Variants in FBXL7 observed in about 807,000 individuals in gnomAD.
FBXL7 encodes the protein F-box and leucine rich repeat protein 7.
A neutral mutation model predicts 38.3 loss-of-function variants in FBXL7; 12 were observed. The observed-to-expected ratio is 0.31, with a 90% CI of 0.20 to 0.51. The LOEUF (loss-of-function observed/expected upper bound fraction) is 0.51. Among genes scored for constraint, FBXL7 ranks in the 20% least tolerant of loss-of-function variants. The pLI, the probability that FBXL7 is intolerant of heterozygous loss-of-function variation, is 0.98. For missense variants in FBXL7, 567 were observed against 676.4 expected (o/e 0.84, Z 1.79); for synonymous variants, 297 against 300.9 (o/e 0.99, Z 0.13).
Position 15,692,061 on chromosome 5 carries a change from T to A in FBXL7, c.127+75989T>A, listed in dbSNP as rs967106569. On this transcript the variant is annotated intron_variant, in intron 2 of 3. Coordinates refer to ENST00000504595, the MANE Select transcript of FBXL7 (RefSeq NM_012304.5). ...ATGGCAGAGACTCTGCAGGCCATGATGGGGTGAGAGCCAGGGCCAGAGAAT... is the reference window on the plus strand; with the variant it reads ...ATGGCAGAGACTCTGCAGGCCATGAAGGGGTGAGAGCCAGGGCCAGAGAAT... 1.1e-4 allele frequency among the ~76,000 whole-genome samples: 17 copies of A among 152,212 alleles called. No homozygotes were observed. In the East Asian group the frequency reaches 3.1e-3, roughly 28 times the overall value.
At chr5:15,816,089 TAGAA>T in intron 2 of FBXL7, among the ~76,000 whole-genome samples, 1 of 152,234 alleles carries the variant, frequency 6.6e-6, no homozygotes, top group Non-Finnish European at 1.5e-5. Context: ...TCATCACTGT[TAGAA>T]AGTACTCCGA....
At chr5:15,886,231 A>ATGTG (rs1740672567) in intron 2 of FBXL7, among the ~76,000 whole-genome samples, 3 of 150,948 alleles carry the variant, frequency 2.0e-5, no homozygotes, top group Non-Finnish European at 4.4e-5. Context: ...GTGTGTGTGC[A>ATGTG]TGCAAATGTA....
intron 2 of FBXL7, among the ~76,000 whole-genome samples, chr5:15,798,984 C>T (rs1737488213): frequency 6.6e-6 from 1 of 152,254 alleles, no homozygotes; most frequent in African/African-American, 2.4e-5. Context: ...GACACAGCCC[C>T]CTTTGCAGGA....
intron 1 of FBXL7, among the ~76,000 whole-genome samples, chr5:15,550,483 C>A (rs546656258): frequency 6.6e-6 from 1 of 152,254 alleles, no homozygotes; most frequent in African/African-American, 2.4e-5. Flanking sequence ...GCTATTGAGG[C>A]ACCCAAAACT....
intron 2 of FBXL7, among the ~76,000 whole-genome samples, chr5:15,773,895 A>G (rs1417855768): frequency 6.6e-6 from 1 of 152,160 alleles, no homozygotes; most frequent in Non-Finnish European, 1.5e-5. Context: ...AGAAGAAAGG[A>G]AAGATCTGGA....
chr5:15,819,687 C>T (rs561019099), intron 2 of FBXL7, among the ~76,000 whole-genome samples: 6 of 152,212 alleles, frequency 3.9e-5, no homozygotes, highest in South Asian at 4.2e-4. Flanking sequence ...GCATGGAGTG[C>T]GTTTGATATC....
At chr5:15,591,223 A>G (rs1383139197) in intron 1 of FBXL7, among the ~76,000 whole-genome samples, 1 of 151,994 alleles carries the variant, frequency 6.6e-6, no homozygotes, top group Non-Finnish European at 1.5e-5. Flanking sequence ...AGGTCAGGAG[A>G]TGGAGACCAT....
intron 2 of FBXL7, among the ~76,000 whole-genome samples, chr5:15,653,482 T>C (rs1338761594): frequency 6.6e-6 from 1 of 152,210 alleles, no homozygotes; most frequent in African/African-American, 2.4e-5. Flanking sequence ...GTCAAAGAAC[T>C]TGTCTGTGGG....
intron 2 of FBXL7, among the ~76,000 whole-genome samples, chr5:15,726,218 A>T (rs1744347870): frequency 6.6e-6 from 1 of 152,152 alleles, no homozygotes. Context: ...ATATCTTTTC[A>T]TAGCTTTCTC....
chr5:15,749,590 G>A (rs1279434851), intron 2 of FBXL7, among the ~76,000 whole-genome samples: 1 of 152,100 alleles, frequency 6.6e-6, no homozygotes, highest in African/African-American at 2.4e-5. Flanking sequence ...TTGCGCCACT[G>A]CACTCCAGCC....
chr5:15,904,428 G>A (rs1741306651), intron 2 of FBXL7, among the ~76,000 whole-genome samples: 1 of 152,150 alleles, frequency 6.6e-6, no homozygotes, highest in Admixed American at 6.5e-5. Context: ...TGTGGCAAAA[G>A]CAGAGATTCC....
Position 15,665,968 on chromosome 5 carries a change from A to G in FBXL7, c.127+49896A>G, listed in dbSNP as rs774875543. Reference sequence around the variant, plus strand: ...AAAGTGAACTATAGAATCAGGATCTATATCTATACAAAGAGAATAATATAA... The same window carrying G: ...AAAGTGAACTATAGAATCAGGATCTGTATCTATACAAAGAGAATAATATAA... On this transcript the variant is annotated intron_variant, in intron 2 of 3. Transcript: ENST00000504595. 5.3e-5 allele frequency among the ~76,000 whole-genome samples: 8 copies of G among 152,280 alleles called. No individual in the cohort carries two copies. The South Asian group carries it at 6.2e-4, about 12-fold the overall frequency.
intron 2 of FBXL7, among the ~76,000 whole-genome samples, chr5:15,917,698 A>AAGGAAGGAAGG (rs1254318383): frequency 1.7e-4 from 19 of 112,856 alleles, no homozygotes; most frequent in Middle Eastern, 5.4e-3. Flanking sequence ...AGGAAGGAAG[A>AAGGAAGGAAGG]AAGAAAGGAA....
chr5:15,816,523 A>C (rs1738018990), intron 2 of FBXL7, among the ~76,000 whole-genome samples: 1 of 152,162 alleles, frequency 6.6e-6, no homozygotes, highest in Non-Finnish European at 1.5e-5. Context: ...GTTAAAAACT[A>C]CATATTGGGT....
intron 2 of FBXL7, among the ~76,000 whole-genome samples, chr5:15,872,986 C>T (rs952418024): frequency 6.6e-6 from 1 of 152,208 alleles, no homozygotes; most frequent in Non-Finnish European, 1.5e-5. Context: ...ACATTCTTCT[C>T]AGCACCACAT....
At chr5:15,935,750 A>G (rs1481567755) in intron 3 of FBXL7, among the ~76,000 whole-genome samples, 4 of 152,198 alleles carry the variant, frequency 2.6e-5, no homozygotes, top group Non-Finnish European at 4.4e-5. Flanking sequence ...TTGCTAGACT[A>G]ATATATTCAC....
At chr5:15,612,551 ATAATCT>A (rs1455941437) in intron 1 of FBXL7, among the ~76,000 whole-genome samples, 1 of 152,090 alleles carries the variant, frequency 6.6e-6, no homozygotes, top group Non-Finnish European at 1.5e-5. Context: ...CATTTTCATG[ATAATCT>A]TAAAAATAAT....
intron 2 of FBXL7, among the ~76,000 whole-genome samples, chr5:15,625,067 G>T (rs1740768583): frequency 6.6e-6 from 1 of 151,966 alleles, no homozygotes; most frequent in African/African-American, 2.4e-5. Context: ...TCGGTGACCA[G>T]AATTATAAGC....
chr5:15,934,197 G>GT (rs1742117239), intron 3 of FBXL7, among the ~76,000 whole-genome samples: 1 of 152,094 alleles, frequency 6.6e-6, no homozygotes, highest in African/African-American at 2.4e-5. Context: ...TAGAGACGGG[G>GT]TTTTGCCATG....
Sources: gnomAD v4.1 joint callset for allele counts (sites outside exome capture counted in the v4.1 genomes callset) on GRCh38, gnomAD v4.1.1 for gene constraint, MANE v1.5 for transcripts, NCBI Gene and HGNC (gene_info 2026-07-23, HGNC 2026-07-21) for gene names.